Variants in TCEA2 observed in about 807,000 individuals in gnomAD.
TCEA2 encodes the protein transcription elongation factor A protein 2.
A neutral mutation model predicts 40.8 loss-of-function variants in TCEA2; 21 were observed. That is an observed-to-expected ratio of 0.51 (90% confidence interval 0.36 to 0.74). The LOEUF is 0.74. Among genes scored for constraint, TCEA2 ranks in the 30% least tolerant of loss-of-function variants. The pLI is 0.00. For missense variants in TCEA2, 326 were observed against 426.5 expected (o/e 0.76, Z 2.08); for synonymous variants, 165 against 162.7 (o/e 1.01, Z -0.11).
chr20:64,061,892 C>T (rs897306354), upstream of TCEA2, among the ~76,000 whole-genome samples: 1 of 151,826 alleles, frequency 6.6e-6, no homozygotes, highest in Non-Finnish European at 1.5e-5. Flanking sequence ...CCACACCTGG[C>T]TAGTTTTTGT....
intron 2 of TCEA2, 138 bp from the exon 3 acceptor site, chr20:64,066,777 G>A: frequency 2.2e-6 from 2 of 900,822 alleles, no homozygotes; most frequent in Non-Finnish European, 3.4e-6. Flanking sequence ...AAATGGGACA[G>A]TCGCCATTGG....
rs746677756 is a variant in TCEA2 at position 64,066,583 on chromosome 20, G to A, written c.135+45G>A. Reference sequence around the variant, plus strand: ...AGGTCCAGGACAGCTCCTGGGTGCAGCCCAGGGGATGGCAGTTCTGAGGGC... The same window carrying A: ...AGGTCCAGGACAGCTCCTGGGTGCAACCCAGGGGATGGCAGTTCTGAGGGC... On this transcript the variant is annotated intron_variant, in intron 2 of 9. Coordinates refer to ENST00000343484, the MANE Select transcript of TCEA2 (RefSeq NM_003195.6). 5 of 1,595,524 alleles carry A rather than the reference G, an allele frequency of 3.1e-6. No individual in the cohort carries two copies. In the South Asian group the frequency reaches 5.5e-5, roughly 18 times the overall value.
At chr20:64,062,388 A>G (rs943683898), upstream of TCEA2, 5 of 152,274 alleles carry the variant, frequency 3.3e-5, no homozygotes, top group African/African-American at 7.2e-5. Context: ...AACAATGTCA[A>G]TGAACACTAA....
Position 64,063,261 on chromosome 20 carries a change from C to T in TCEA2, c.-52C>T, listed in dbSNP as rs1180894681. ...GGCGACGGCCGGGGCCGGGGTCCTG[C>T]CCGGCTGCGGAGGCGGGCGCGACGG... On this transcript the variant is annotated 5_prime_UTR_variant, in exon 1 of 10. Coordinates refer to ENST00000343484, the MANE Select transcript of TCEA2 (RefSeq NM_003195.6). 8.0e-6 allele frequency: 12 copies of T among 1,492,606 alleles called. No individual in the cohort carries two copies. In the African/African-American group the frequency reaches 8.8e-5, roughly 11 times the overall value. The allele number at this position is 1,492,606 out of a possible 1,614,324, so 92.5% of individuals were successfully genotyped here.
At chr20:64,069,882 C>T (rs1274525414) in intron 6 of TCEA2, 61 bp downstream of exon 6, 8 of 1,577,166 alleles carry the variant, frequency 5.1e-6, no homozygotes, top group Non-Finnish European at 6.1e-6. Flanking sequence ...GCTGCCTGGC[C>T]TGGTGCCCTC....
upstream of TCEA2, among the ~76,000 whole-genome samples, chr20:64,059,299 C>T (rs2059519339): frequency 6.6e-6 from 1 of 152,086 alleles, no homozygotes; most frequent in African/African-American, 2.4e-5. Flanking sequence ...TGTTGAGACG[C>T]CTCGCACTGT....
chr20:64,065,356 C>G (rs1184390997), intron 1 of TCEA2, among the ~76,000 whole-genome samples: 1 of 152,206 alleles, frequency 6.6e-6, no homozygotes, highest in African/African-American at 2.4e-5. Flanking sequence ...GGGACAAGCC[C>G]CTCCCATGGC....
At chr20:64,063,462 G>A in intron 1 of TCEA2, 78 bp downstream of exon 1, 1 of 1,473,406 alleles carries the variant, frequency 6.8e-7, no homozygotes, top group Non-Finnish European at 9.2e-7. Context: ...CCCCGTTAGG[G>A]CCGGAAGACG....
At position 64,069,486 on chromosome 20, in the gene TCEA2, C is replaced by T. The variant is rs373957561; in HGVS notation, c.455C>T (p.Thr152Met). 77 of 1,612,626 alleles carry T rather than the reference C, an allele frequency of 4.8e-5. No individual in the cohort carries two copies. Among genetic ancestry groups the T allele is most frequent in the Non-Finnish European group, 5.7e-5 (67 of 1,179,758 alleles). ...GAGATGCTGACCGCTGCCCTGCAGA[C>T]GGACCGTGAGTGCGGCCGGCCCTGG... ...CREMLTAALQTDHDHVAIGAD... is the reference protein window; with the variant it reads ...CREMLTAALQMDHDHVAIGAD... The change falls in exon 5 of 10, where the codon ACG becomes ATG. Residue 152 changes from threonine to methionine, a missense_variant. By Grantham distance (81) the Thr-to-Met change is moderately conservative (BLOSUM62 -1). Transcript: ENST00000343484.
At chr20:64,070,669 G>T (rs376371800) in intron 8 of TCEA2, 34 bp downstream of exon 8, 6 of 1,507,338 alleles carry the variant, frequency 4.0e-6, no homozygotes, top group Admixed American at 2.1e-5. Context: ...CCCCGGGCCC[G>T]GTGTCTTCAG....
rs1477841711 is a variant in TCEA2, at chr20:64,068,109, G to A, written c.304G>A (p.Asp102Asn). Residue 102 changes from aspartate (D) to asparagine (N), a missense_variant, in exon 4 of 10, where the codon GAT (aspartate) becomes AAT (asparagine). Physicochemically the swap from Asp to Asn is conservative, Grantham distance 23. Transcript: ENST00000343484. Reference sequence around the variant, plus strand: ...CATGCCTCTGCCCACGTCCTCGAGGGATGCCTCAGAGGCCCCGGATCCCAG... The same window carrying A: ...CATGCCTCTGCCCACGTCCTCGAGGAATGCCTCAGAGGCCCCGGATCCCAG... ...RGMPLPTSSR[D>N]ASEAPDPSRK... The A allele has an allele frequency of 3.7e-6, 6 of 1,609,480 alleles. No homozygotes were observed. In the South Asian group the frequency reaches 5.6e-5, roughly 15 times the overall value.
At chr20:64,066,248 C>T (rs2059690939) in intron 1 of TCEA2, 2 of 498,642 alleles carry the variant, frequency 4.0e-6, no homozygotes, top group Middle Eastern at 5.3e-4. Context: ...CTTGAGGCTG[C>T]AGAACCCCTC....
At chr20:64,064,543 G>C (rs1202239280) in intron 1 of TCEA2, among the ~76,000 whole-genome samples, 1 of 152,222 alleles carries the variant, frequency 6.6e-6, no homozygotes, top group Admixed American at 6.5e-5. Context: ...TCCTGGGGCA[G>C]GGCCAGCTGT....
rs775434639 is a variant in TCEA2, at chr20:64,072,194, T to G, written c.*14T>G. On this transcript the variant is annotated 3_prime_UTR_variant, in exon 10 of 10. Coordinates refer to ENST00000343484, the MANE Select transcript of TCEA2 (RefSeq NM_003195.6). Reference sequence around the variant, plus strand: ...CAGTTCTGCTGACCCCTCGTGTAGATGTGCTGCAGCCTTGGGCCCTCCCCG... The same window carrying G: ...CAGTTCTGCTGACCCCTCGTGTAGAGGTGCTGCAGCCTTGGGCCCTCCCCG... 1 of 1,612,982 alleles carries G rather than the reference T, an allele frequency of 6.2e-7. No homozygotes were observed. Among genetic ancestry groups the G allele is most frequent in the East Asian group, 2.2e-5 (1 of 44,834 alleles).
intron 3 of TCEA2, among the ~76,000 whole-genome samples, chr20:64,067,387 C>G (rs779505046): frequency 6.6e-6 from 1 of 152,034 alleles, no homozygotes. Flanking sequence ...TGGGAAGTGC[C>G]GGGAGAGGGG....
rs374350848 is a variant in TCEA2 at position 64,069,499 on chromosome 20, C to T, written c.460+8C>T. ...CTGCCCTGCAGACGGACCGTGAGTG[C>T]GGCCGGCCCTGGCTCCTGACACCCG... On this transcript the variant is annotated splice_region_variant and intron_variant, in intron 5 of 9. Coordinates refer to ENST00000343484, the MANE Select transcript of TCEA2 (RefSeq NM_003195.6). The T allele has an allele frequency of 5.3e-5, 86 of 1,610,910 alleles. No individual in the cohort carries two copies. The highest frequency in any genetic ancestry group is 5.9e-5 in the Non-Finnish European group (70 of 1,179,020).
At chr20:64,071,109 G>A (rs1020382791) in intron 8 of TCEA2, among the ~76,000 whole-genome samples, 5 of 152,190 alleles carry the variant, frequency 3.3e-5, no homozygotes, top group Non-Finnish European at 7.4e-5. Context: ...CAGCACTTTG[G>A]GAGGCCGAGG....
chr20:64,063,448 C>T (rs998577758), intron 1 of TCEA2, 64 bp downstream of exon 1: 9 of 1,519,646 alleles, frequency 5.9e-6, no homozygotes, highest in Non-Finnish European at 8.0e-6. Context: ...TCGAGCCCGC[C>T]GACCCCCGTT....
intron 7 of TCEA2, 37 bp from the exon 8 acceptor site, chr20:64,070,452 C>T (rs201457425): frequency 9.1e-5 from 147 of 1,613,756 alleles, no homozygotes; most frequent in African/African-American, 4.4e-4. Flanking sequence ...GCTGCTCCCT[C>T]GGAGCGGTGG....
Sources: gnomAD v4.1 joint callset for allele counts (sites outside exome capture counted in the v4.1 genomes callset) on GRCh38, gnomAD v4.1.1 for gene constraint, MANE v1.5 for transcripts, NCBI Gene and HGNC (gene_info 2026-07-23, HGNC 2026-07-21) for gene names.